The following NAV3 variants were observed in gnomAD, a reference collection of about 807,000 sequenced individuals.
NAV3 encodes pore membrane and/or filament interacting like protein 1.
A neutral mutation model predicts 244.7 loss-of-function variants in NAV3; 87 were observed. The ratio of observed to expected loss-of-function variants is 0.36; its 90% CI spans 0.30 to 0.42. The LOEUF is 0.42. Ranked by LOEUF, NAV3 falls within the 20% of genes least tolerant of loss-of-function variation. The pLI is 1.00. For synonymous variants in NAV3, 1,126 were observed against 1,042.2 expected (o/e 1.08, Z -1.55); for missense variants, 2,663 against 2,893.3 (o/e 0.92, Z 1.83).
At chr12:77,629,328 A>G (rs190594540) in intron 2 of NAV3, among the ~76,000 whole-genome samples, 2 of 152,224 alleles carry the variant, frequency 1.3e-5, no homozygotes, top group Non-Finnish European at 2.9e-5. Context: ...AATTTTGAGA[A>G]TGCTGAATTA....
At chr12:77,750,987 A>G (rs935170146) in intron 2 of NAV3, among the ~76,000 whole-genome samples, 1 of 152,194 alleles carries the variant, frequency 6.6e-6, no homozygotes, top group Non-Finnish European at 1.5e-5. Context: ...CTGCAGTCTC[A>G]CAACTAACTG....
intron 2 of NAV3, among the ~76,000 whole-genome samples, chr12:77,725,026 C>T (rs1433014077): frequency 6.6e-6 from 1 of 151,948 alleles, no homozygotes; most frequent in East Asian, 1.9e-4. Context: ...GGTTTATTGT[C>T]TTTAAGCTTT....
chr12:77,702,803 A>G (rs982308105), intron 2 of NAV3, among the ~76,000 whole-genome samples: 1 of 151,976 alleles, frequency 6.6e-6, no homozygotes, highest in Non-Finnish European at 1.5e-5. Flanking sequence ...AGTCTTTCAA[A>G]TAAGTTAATA....
At chr12:77,754,093 C>T (rs547946919) in intron 2 of NAV3, among the ~76,000 whole-genome samples, 6 of 151,984 alleles carry the variant, frequency 3.9e-5, no homozygotes, top group Non-Finnish European at 8.8e-5. Flanking sequence ...TTATTTTATA[C>T]GTATTTTTGA....
intron 29 of NAV3, among the ~76,000 whole-genome samples, chr12:78,180,340 C>A (rs186593982): frequency 6.6e-6 from 1 of 151,872 alleles, no homozygotes; most frequent in African/African-American, 2.4e-5. Flanking sequence ...CATCTAAAGA[C>A]TTTTGTTGTT....
chr12:78,083,102 C>T (rs1478246660), intron 12 of NAV3, among the ~76,000 whole-genome samples: 1 of 152,206 alleles, frequency 6.6e-6, no homozygotes, highest in Non-Finnish European at 1.5e-5. Flanking sequence ...AGGTTGAGCA[C>T]TACATCTGTT....
At chr12:77,696,705 A>G (rs1276671347) in intron 2 of NAV3, among the ~76,000 whole-genome samples, 1 of 152,192 alleles carries the variant, frequency 6.6e-6, no homozygotes, top group Non-Finnish European at 1.5e-5. Flanking sequence ...GGTTAAATAA[A>G]TAGAACAGAG....
chr12:77,955,948 T>A (rs1247894743), intron 3 of NAV3, among the ~76,000 whole-genome samples: 3 of 152,180 alleles, frequency 2.0e-5, no homozygotes, highest in Non-Finnish European at 4.4e-5. Flanking sequence ...TTCTGTGTCA[T>A]AATATTTATT....
chr12:77,959,673 T>A (rs1891698050), intron 3 of NAV3, among the ~76,000 whole-genome samples: 1 of 151,862 alleles, frequency 6.6e-6, no homozygotes, highest in African/African-American at 2.4e-5. Flanking sequence ...ATCATGGAAT[T>A]TTTTTGAAAT....
intron 2 of NAV3, among the ~76,000 whole-genome samples, chr12:77,644,874 C>T (rs1872551168): frequency 6.6e-6 from 1 of 151,958 alleles, no homozygotes; most frequent in African/African-American, 2.4e-5. Flanking sequence ...AAATATAAAC[C>T]AAAATTTTAA....
intron 2 of NAV3, among the ~76,000 whole-genome samples, chr12:77,747,636 A>T (rs1868618892): frequency 6.6e-6 from 1 of 152,216 alleles, no homozygotes; most frequent in Admixed American, 6.5e-5. Context: ...ACCAACCCAA[A>T]TGTCCATCAA....
chr12:78,072,643 TCCAATCAATAGAAAAAG>T (rs1952834948), intron 12 of NAV3, among the ~76,000 whole-genome samples: 1 of 96,094 alleles, frequency 1.0e-5, no homozygotes, highest in Non-Finnish European at 2.1e-5. Flanking sequence ...CTGAAACTAT[TCCAATCAATAGAAAAAG>T]AGGGAATCCT....
chr12:77,641,211 G>T (rs1210990916), intron 2 of NAV3, among the ~76,000 whole-genome samples: 1 of 152,024 alleles, frequency 6.6e-6, no homozygotes, highest in East Asian at 1.9e-4. Context: ...CAAAGTCTGA[G>T]TATCAAGTTG....
intron 1 of NAV3, among the ~76,000 whole-genome samples, chr12:77,878,786 AT>A (rs11331788): frequency 0.14 from 20,051 of 145,650 alleles, 1,400 homozygotes; most frequent in East Asian, 0.22. Context: ...TAATTCTATC[AT>A]TTTTTTTTTT....
intron 1 of NAV3, among the ~76,000 whole-genome samples, chr12:77,854,839 C>T (rs1039723737): frequency 1.3e-5 from 2 of 152,038 alleles, no homozygotes; most frequent in South Asian, 2.1e-4. Flanking sequence ...AACATCTGGC[C>T]GGGTGCAGTG....
At chr12:77,830,329 T>A (rs1048527576), upstream of NAV3, among the ~76,000 whole-genome samples, 17 of 152,340 alleles carry the variant, frequency 1.1e-4, no homozygotes, top group African/African-American at 3.8e-4. Flanking sequence ...TTTCCCCCTT[T>A]CTAGCTTCAT....
chr12:78,021,560 C>T (rs1877152471), intron 8 of NAV3, among the ~76,000 whole-genome samples, 187 bp from the exon 9 acceptor site: 1 of 152,094 alleles, frequency 6.6e-6, no homozygotes, highest in South Asian at 2.1e-4. Flanking sequence ...ATCTCACTCC[C>T]ACTTAGGTTG....
At chr12:77,755,698 T>C (rs1869137039) in intron 2 of NAV3, among the ~76,000 whole-genome samples, 1 of 149,334 alleles carries the variant, frequency 6.7e-6, no homozygotes, top group African/African-American at 2.5e-5. Flanking sequence ...CTTTATTTTC[T>C]TTCCTTTTTC....
At chr12:78,054,577 T>C (rs1010522532) in intron 11 of NAV3, among the ~76,000 whole-genome samples, 1 of 152,186 alleles carries the variant, frequency 6.6e-6, no homozygotes, top group Non-Finnish European at 1.5e-5. Flanking sequence ...CAGGAACTAG[T>C]GCAAGAGCTC....
Sources: allele counts gnomAD v4.1 joint callset (sites outside exome capture counted in the v4.1 genomes callset), GRCh38; gene constraint gnomAD v4.1.1; transcripts MANE v1.5; gene names NCBI Gene and HGNC (gene_info 2026-07-23, HGNC 2026-07-21).